The following VAV2 variants were observed in gnomAD, a reference collection of about 807,000 sequenced individuals.
VAV2 encodes the protein guanine nucleotide exchange factor VAV2.
A neutral mutation model predicts 132.5 loss-of-function variants in VAV2; 67 were observed. That is an observed-to-expected ratio of 0.51 (90% CI 0.42 to 0.62). The LOEUF is 0.62. VAV2 is among the 20% of genes least tolerant of loss of function. VAV2 has a pLI of 0.00. For missense variants in VAV2, 938 were observed against 1,153.6 expected (o/e 0.81, Z 2.71); for synonymous variants, 492 against 443.5 (o/e 1.11, Z -1.37).
intron 1 of VAV2, among the ~76,000 whole-genome samples, chr9:133,950,009 A>T (rs7860247): frequency 0.011 from 1,601 of 152,312 alleles, 26 homozygotes; most frequent in African/African-American, 0.037. Context: ...GCAGCCGTGA[A>T]GTCCAGGAAC....
chr9:133,838,534 GATGCATGC>G (rs1186696024), intron 3 of VAV2, among the ~76,000 whole-genome samples: 1 of 78,510 alleles, frequency 1.3e-5, no homozygotes, highest in Admixed American at 1.4e-4. Context: ...TAGATGGATG[GATGCATGC>G]ATGCATGCAT....
intron 1 of VAV2, among the ~76,000 whole-genome samples, chr9:133,940,705 G>A (rs1588146717): frequency 6.9e-6 from 1 of 144,668 alleles, no homozygotes; most frequent in African/African-American, 2.6e-5. Flanking sequence ...GTGTGTGTGT[G>A]TGTTTCTGAA....
In VAV2 at chr9:133,885,003, T is replaced by C. The variant is rs1055569328; in HGVS notation, c.322-23571A>G. On this transcript the variant is annotated intron_variant, in intron 2 of 29. Coordinates refer to ENST00000371850, the MANE Select transcript of VAV2 (RefSeq NM_001134398.2). The surrounding 1 kb of genome is among the most constrained non-coding windows in gnomAD (Gnocchi z 5.0). ...ATCATTCCAAAGACTCCAAAGATAA[T>C]GCCAAAGGCTCCACTTCCAGGCCGA... is the stretch of plus-strand genomic sequence containing the variant. Among the ~76,000 whole-genome samples, 3 of 151,796 alleles carry C rather than the reference T, an allele frequency of 2.0e-5. No individual in the cohort carries two copies. Among genetic ancestry groups the C allele is most frequent in the African/African-American group, 7.3e-5 (3 of 41,302 alleles).
At chr9:133,808,728 C>T (rs892287145) in intron 7 of VAV2, among the ~76,000 whole-genome samples, 2 of 152,178 alleles carry the variant, frequency 1.3e-5, no homozygotes, top group African/African-American at 4.8e-5. Flanking sequence ...GGGGAATACG[C>T]GAGGAGCTAG....
At chr9:133,869,738 T>G (rs569257058) in intron 2 of VAV2, among the ~76,000 whole-genome samples, 1 of 152,282 alleles carries the variant, frequency 6.6e-6, no homozygotes, top group East Asian at 1.9e-4. Context: ...GCCCCGACCC[T>G]CCGACTGTCA....
intron 2 of VAV2, among the ~76,000 whole-genome samples, chr9:133,873,068 G>A (rs1406242760): frequency 1.5e-5 from 2 of 133,956 alleles, no homozygotes; most frequent in African/African-American, 5.5e-5. Flanking sequence ...AGCCAAGCTT[G>A]AGCCACTGCA....
chr9:133,781,224 C>T (rs190148441), intron 19 of VAV2, among the ~76,000 whole-genome samples: 11 of 152,360 alleles, frequency 7.2e-5, no homozygotes, highest in African/African-American at 2.4e-4. Flanking sequence ...AGCTCAGACA[C>T]CCAGGTGCCA....
intron 1 of VAV2, among the ~76,000 whole-genome samples, chr9:133,975,909 C>T (rs1172093493): frequency 6.6e-6 from 1 of 152,090 alleles, no homozygotes; most frequent in East Asian, 1.9e-4. Flanking sequence ...TTTAAAAATG[C>T]TATGTTGGCC....
In VAV2 at chr9:133,833,780, C is replaced by T. The variant is rs1192044256; in HGVS notation, c.449+492G>A. Among the ~76,000 whole-genome samples the T allele has an allele frequency of 6.6e-6, 1 of 152,110 alleles. No homozygotes were observed. Among genetic ancestry groups the T allele is most frequent in the Non-Finnish European group, 1.5e-5 (1 of 68,000 alleles). On this transcript the variant is annotated intron_variant, in intron 4 of 29. Transcript: ENST00000371850. This position sits in a 1 kb window ranked among gnomAD's most constrained non-coding sequence, Gnocchi z 5.6. Reference sequence around the variant, plus strand: ...AGGTGGACACGGAGAAGAGCAGAGGCGGGTCCACCGAGGCAGGGCAGTGCC... The same window carrying T: ...AGGTGGACACGGAGAAGAGCAGAGGTGGGTCCACCGAGGCAGGGCAGTGCC...
At chr9:133,866,055 GC>G (rs1837785065) in intron 2 of VAV2, among the ~76,000 whole-genome samples, 1 of 152,104 alleles carries the variant, frequency 6.6e-6, no homozygotes, top group South Asian at 2.1e-4. Flanking sequence ...TCCTGGCTCA[GC>G]TCTCTGCACT....
At position 133,906,707 on chromosome 9, in the gene VAV2, G is replaced by A. The variant is rs186140256; in HGVS notation, c.321+32396C>T. Among the ~76,000 whole-genome samples, 22 of 152,312 alleles carry A rather than the reference G, an allele frequency of 1.4e-4. No homozygotes were observed. The East Asian group carries it at 4.1e-3, about 28-fold the overall frequency. On this transcript the variant is annotated intron_variant, in intron 2 of 29. Transcript: ENST00000371850. ...AAGTCACCCATGACCTCACGCCGCA[G>A]AACCTGGCACAGCTCACAAGTCAGA...
intron 3 of VAV2, among the ~76,000 whole-genome samples, chr9:133,845,818 G>A (rs1215825149): frequency 6.6e-6 from 1 of 152,224 alleles, no homozygotes; most frequent in Non-Finnish European, 1.5e-5. Context: ...AGACAGGGAT[G>A]CCAGTCCCAG....
At chr9:133,771,641 G>A (rs539710776) in intron 26 of VAV2, among the ~76,000 whole-genome samples, 32 of 152,286 alleles carry the variant, frequency 2.1e-4, no homozygotes, top group Admixed American at 7.8e-4. Context: ...CCCACTGGGC[G>A]TCAGTTTCTG....
intron 13 of VAV2, among the ~76,000 whole-genome samples, chr9:133,789,851 G>C (rs1834382582): frequency 6.6e-6 from 1 of 152,256 alleles, no homozygotes; most frequent in South Asian, 2.1e-4. Context: ...TGACTCTTCT[G>C]ATTCAGAGAG....
chr9:133,956,314 T>C (rs1841778001), intron 1 of VAV2, among the ~76,000 whole-genome samples: 1 of 152,044 alleles, frequency 6.6e-6, no homozygotes, highest in Non-Finnish European at 1.5e-5. Flanking sequence ...AGCCCCTCCC[T>C]ACCCTGTGAC....
intron 3 of VAV2, among the ~76,000 whole-genome samples, chr9:133,859,624 AAAAAC>A (rs987057724): frequency 1.3e-5 from 2 of 152,090 alleles, no homozygotes; most frequent in African/African-American, 4.8e-5. Flanking sequence ...AATATGTAAA[AAAAAC>A]AAAACAAAAC....
In VAV2 at chr9:133,992,131, G is replaced by A; in HGVS notation, c.148C>T (p.Leu50Phe). ...TTGAGGTCGATGGAGCCGGGGGAGA[G>A]GTTGTGCAGCAGCTGGCACAGAAGG... is the stretch of plus-strand genomic sequence containing the variant. Reference protein sequence around the residue: ...GVLLCQLLHNLSPGSIDLKDI... With the variant: ...GVLLCQLLHNFSPGSIDLKDI... The change falls in exon 1 of 30, where the codon CTC becomes TTC. Residue 50 changes from leucine (L) to phenylalanine (F), a missense_variant. Physicochemically the swap from Leu to Phe is conservative, Grantham distance 22 (BLOSUM62 0). Transcript: ENST00000371850. This position sits in a 1 kb window ranked among gnomAD's most constrained non-coding sequence, Gnocchi z 5.5. The A allele has an allele frequency of 6.3e-7, 1 of 1,595,156 alleles. No homozygotes were observed. The highest frequency in any genetic ancestry group is 8.5e-7 in the Non-Finnish European group (1 of 1,171,414).
At chr9:133,893,464 T>A (rs2428082) in intron 2 of VAV2, among the ~76,000 whole-genome samples, 4 of 151,990 alleles carry the variant, frequency 2.6e-5, no homozygotes, top group Admixed American at 6.5e-5. Context: ...GGTCCTCAGG[T>A]GGCAAGGGAC....
At chr9:133,812,014 G>A in intron 5 of VAV2, 100 bp downstream of exon 5, 1 of 1,243,728 alleles carries the variant, frequency 8.0e-7, no homozygotes, top group South Asian at 1.3e-5. Context: ...CCCCTTCGGT[G>A]GCTCAGACAT....
Sources: gnomAD v4.1 joint callset for allele counts (sites outside exome capture counted in the v4.1 genomes callset) on GRCh38, gnomAD v4.1.1 for gene constraint, Gnocchi (gnomAD v3.1) non-coding constraint, MANE v1.5 for transcripts, NCBI Gene and HGNC (gene_info 2026-07-23, HGNC 2026-07-21) for gene names.